Variants in TXNRD2 observed in about 807,000 individuals in gnomAD.
The protein encoded by TXNRD2 is thioredoxin reductase 2.
A neutral mutation model predicts 70.8 loss-of-function variants in TXNRD2; 67 were observed. That is an observed-to-expected ratio of 0.95 (90% CI 0.78 to 1.16). The LOEUF (loss-of-function observed/expected upper bound fraction) is 1.16, where lower values mean the gene tolerates loss of function less well. Ranked by LOEUF, TXNRD2 falls within the 50% of genes most tolerant of loss-of-function variation. TXNRD2 has a pLI of 0.00. For missense variants in TXNRD2, 644 were observed against 719.9 expected, an observed-to-expected ratio of 0.89 and a Z score of 1.21; for synonymous variants, 301 against 295.8, an observed-to-expected ratio of 1.02 and a Z score of -0.18.
At chr22:19,923,850 T>C (rs1160952357) in intron 2 of TXNRD2, among the ~76,000 whole-genome samples, 2 of 148,702 alleles carry the variant, frequency 1.3e-5, no homozygotes, top group Non-Finnish European at 3.0e-5. Flanking sequence ...GAGGCTTTTT[T>C]TTTTTTTTTT....
Position 19,878,126 on chromosome 22 carries a change from G to A in TXNRD2, c.1409C>T (p.Ala470Val), listed in dbSNP as rs752235052. 6.2e-7 allele frequency: 1 copy of A among 1,613,400 alleles called. No homozygotes were observed. The highest frequency in any genetic ancestry group is 2.2e-5 in the East Asian group (1 of 44,892). ...VLGLHFLGPN[A>V]GEVTQGFALG... ...AGCAAATCCTTGAGTAACTTCGCCT[G>A]CGTTGGGGCCAAGGAAATGCAGGCC... The change falls in exon 16 of 18, where the codon GCA becomes GTA. Residue 470 changes from alanine to valine, a missense_variant. This residue lies in a region of TXNRD2 where 566 missense variants were observed against 645.0 expected (regional missense o/e 0.88). Coordinates refer to ENST00000400521, the MANE Select transcript of TXNRD2 (RefSeq NM_006440.5).
intron 17 of TXNRD2, 145 bp from the exon 18 acceptor site, chr22:19,875,952 T>A (rs1168620579): frequency 6.6e-6 from 1 of 152,264 alleles, no homozygotes; most frequent in African/African-American, 2.4e-5. Context: ...CCCAGGGCGA[T>A]GCGTCACAGG....
intron 2 of TXNRD2, among the ~76,000 whole-genome samples, chr22:19,927,651 C>CAAAAAA (rs149665821): frequency 6.6e-4 from 45 of 68,100 alleles, no homozygotes; most frequent in South Asian, 1.1e-3. Flanking sequence ...GACCTTGTCT[C>CAAAAAA]AAAAAAAAAA....
intron 1 of TXNRD2, among the ~76,000 whole-genome samples, chr22:19,937,162 G>A (rs915138426): frequency 2.6e-5 from 4 of 152,056 alleles, no homozygotes; most frequent in South Asian, 2.1e-4. Context: ...GAGGAGGCCC[G>A]CCTGCAGGCT....
intron 8 of TXNRD2, among the ~76,000 whole-genome samples, chr22:19,902,742 G>C (rs1324245288): frequency 1.3e-5 from 2 of 152,232 alleles, no homozygotes; most frequent in Non-Finnish European, 2.9e-5. Flanking sequence ...GGTGGCGGGG[G>C]CTTTGCAGTC....
chr22:19,941,090 TGTC>T (rs1941696149), intron 1 of TXNRD2, among the ~76,000 whole-genome samples: 1 of 152,084 alleles, frequency 6.6e-6, no homozygotes. Context: ...GGGACCATGT[TGTC>T]GTGCATGGAA....
intron 8 of TXNRD2, among the ~76,000 whole-genome samples, chr22:19,909,826 ACACCACACACACC>A (rs2146018919): frequency 9.2e-6 from 1 of 108,650 alleles, no homozygotes; most frequent in Non-Finnish European, 1.8e-5. Context: ...CACACACCAC[ACACCACACACACC>A]CACACCCTTC....
At chr22:19,939,665 G>A (rs143721127) in intron 1 of TXNRD2, among the ~76,000 whole-genome samples, 1 of 152,012 alleles carries the variant, frequency 6.6e-6, no homozygotes, top group Non-Finnish European at 1.5e-5. Context: ...TGTTACTATG[G>A]GTTATAAATA....
chr22:19,941,658 C>T, intron 1 of TXNRD2, 43 bp downstream of exon 1: 1 of 1,428,106 alleles, frequency 7.0e-7, no homozygotes, highest in Non-Finnish European at 9.1e-7. Context: ...GACACCCCGG[C>T]CGCGCGGACA....
rs969892059 is a variant in TXNRD2, at chr22:19,911,548, C to T, written c.592-101G>A. On this transcript the variant is annotated intron_variant, in intron 7 of 17. Coordinates refer to ENST00000400521, the MANE Select transcript of TXNRD2 (RefSeq NM_006440.5). ...GCTTTGCAGAATCAAGCAGAGCTTT[C>T]CCAGGGCACACATGCACAGGGCTTC... 1.7e-5 allele frequency: 15 copies of T among 903,720 alleles called. No individual in the cohort carries two copies. In the African/African-American group the frequency reaches 2.1e-4, roughly 13 times the overall value. The allele number at this position is 903,720 out of a possible 1,614,324, so 56.0% of individuals were successfully genotyped here.
chr22:19,926,902 A>G (rs1186189921), intron 2 of TXNRD2, among the ~76,000 whole-genome samples: 1 of 152,222 alleles, frequency 6.6e-6, no homozygotes, highest in Non-Finnish European at 1.5e-5. Context: ...ACTGACTGCC[A>G]ATGGGTACAG....
At chr22:19,876,944 T>C (rs2145924618) in intron 17 of TXNRD2, 96 bp downstream of exon 17, 1 of 858,726 alleles carries the variant, frequency 1.2e-6, no homozygotes, top group Non-Finnish European at 1.7e-6. Flanking sequence ...GTGGCAGGTG[T>C]AGCCTTGCTG....
intron 12 of TXNRD2, 119 bp downstream of exon 12, chr22:19,883,206 C>T: frequency 2.2e-6 from 3 of 1,356,208 alleles, no homozygotes; most frequent in Non-Finnish European, 2.0e-6. Flanking sequence ...GGCCCAGAGC[C>T]TCTGTCATCA....
chr22:19,906,617 G>A (rs889964815), intron 8 of TXNRD2, among the ~76,000 whole-genome samples: 27 of 151,726 alleles, frequency 1.8e-4, no homozygotes, highest in African/African-American at 6.1e-4. Context: ...GCAAGACCCT[G>A]TCTCAAAGAT....
intron 9 of TXNRD2, 133 bp downstream of exon 9, chr22:19,898,916 C>T: frequency 8.8e-7 from 1 of 1,138,012 alleles, no homozygotes; most frequent in African/African-American, 1.5e-5. Flanking sequence ...AGTAGATCCT[C>T]CACGCCGAGA....
intron 1 of TXNRD2, among the ~76,000 whole-genome samples, chr22:19,937,366 G>T (rs112964171): frequency 0.011 from 1,638 of 152,258 alleles, 30 homozygotes; most frequent in African/African-American, 0.037. Flanking sequence ...GTTAAACAGG[G>T]TCACAATGAA....
chr22:19,881,948 A>C (rs1938798888), intron 12 of TXNRD2, among the ~76,000 whole-genome samples: 3 of 152,194 alleles, frequency 2.0e-5, no homozygotes, highest in Admixed American at 2.0e-4. Flanking sequence ...CTGGAGCCTC[A>C]GAGTGTGACC....
chr22:19,889,745 G>A (rs1939185187), intron 11 of TXNRD2, among the ~76,000 whole-genome samples: 1 of 152,094 alleles, frequency 6.6e-6, no homozygotes. Context: ...CAAAGTGTTG[G>A]GATTACAGGC....
At chr22:19,916,993 C>A (rs1040298920) in intron 5 of TXNRD2, among the ~76,000 whole-genome samples, 6 of 152,240 alleles carry the variant, frequency 3.9e-5, no homozygotes, top group African/African-American at 1.4e-4. Context: ...CTTCTCCCCA[C>A]TGGCAAGCCT....
Sources: gnomAD v4.1 joint callset for allele counts (sites outside exome capture counted in the v4.1 genomes callset) on GRCh38, gnomAD v4.1.1 for gene constraint, gnomAD v4.1.1 regional missense constraint, MANE v1.5 for transcripts, NCBI Gene and HGNC (gene_info 2026-07-23, HGNC 2026-07-21) for gene names.